Variants in ASIP observed in about 807,000 individuals in gnomAD.
ASIP encodes agouti signaling protein, also known as agouti-signaling protein.
A neutral mutation model predicts 10.3 loss-of-function variants in ASIP; 11 were observed. That is an observed-to-expected ratio of 1.07 (90% confidence interval 0.68 to 1.78). ASIP has a LOEUF of 1.78. Among genes scored for constraint, ASIP ranks in the 40% most tolerant of loss-of-function variants. The probability of loss-of-function intolerance (pLI) is 0.00; values close to 1 mark genes in which losing one functional copy is unlikely to be tolerated. For missense variants in ASIP, 180 were observed against 169.2 expected, an observed-to-expected ratio of 1.06 and a Z score of -0.35; for synonymous variants, 70 against 70.8, an observed-to-expected ratio of 0.99 and a Z score of 0.06.
intron 1 of ASIP, among the ~76,000 whole-genome samples, chr20:34,225,830 T>C (rs2122570892): frequency 6.6e-6 from 1 of 152,318 alleles, no homozygotes; most frequent in Middle Eastern, 3.4e-3. Context: ...AATGGGTTCT[T>C]GTTGGCATAT....
chr20:34,269,244 G>A lies in ASIP; in HGVS notation c.*77G>A. The A allele has an allele frequency of 7.0e-7, 1 of 1,421,846 alleles. No homozygotes were observed. Among genetic ancestry groups the A allele is most frequent in the Non-Finnish European group, 9.1e-7 (1 of 1,093,296 alleles). The allele number at this position is 1,421,846 out of a possible 1,614,324, so 88.1% of individuals were successfully genotyped here. A position where few individuals can be genotyped will look rare whatever the true frequency, so the allele number is the denominator to read the frequency against. On this transcript the variant is annotated 3_prime_UTR_variant, in exon 4 of 4. Transcript: ENST00000374954. ...TTCTCGGGCGGGTGATCCCTAACAG[G>A]GCGGCTTCCCAGGGCTGCAGGCGGG...
At chr20:34,188,442 C>G in the ASIP span, among the ~76,000 whole-genome samples, 1 of 152,126 alleles carries the variant, frequency 6.6e-6, no homozygotes, top group South Asian at 2.1e-4. Context: ...TGCTTTCAAG[C>G]CTGGATTCAT....
upstream of ASIP, among the ~76,000 whole-genome samples, chr20:34,190,744 C>T (rs768755696): frequency 6.6e-6 from 1 of 152,174 alleles, no homozygotes; most frequent in Non-Finnish European, 1.5e-5. Flanking sequence ...TTCTCCATAC[C>T]AAGTGCAGAG....
chr20:34,263,382 T>C (rs1292684561), intron 3 of ASIP, among the ~76,000 whole-genome samples: 1 of 152,082 alleles, frequency 6.6e-6, no homozygotes, highest in Non-Finnish European at 1.5e-5. Context: ...CTGGCCAACA[T>C]GGTGAAACCC....
intron 1 of ASIP, chr20:34,246,485 C>T (rs2035377966): frequency 7.9e-6 from 11 of 1,387,616 alleles, no homozygotes; most frequent in African/African-American, 1.4e-5. Flanking sequence ...TAACTTGGCA[C>T]TGTTCCTTGG....
intron 1 of ASIP, chr20:34,246,062 C>T (rs1364610468): frequency 2.2e-6 from 2 of 894,028 alleles, no homozygotes; most frequent in Non-Finnish European, 3.7e-6. Flanking sequence ...ATAATTTCAT[C>T]CTCCCCATTA....
At chr20:34,201,017 C>CTTCCTTCTTTCTTTCTTTCT (rs751841818) in intron 1 of ASIP, among the ~76,000 whole-genome samples, 69 of 63,242 alleles carry the variant, frequency 1.1e-3, no homozygotes, top group East Asian at 1.9e-3. Context: ...TCCTTCCTTC[C>CTTCCTTCTTTCTTTCTTTCT]TTCTTTCTTT....
chr20:34,244,446 GATTAATGTCTAAA>G (rs1329842388), intron 1 of ASIP, among the ~76,000 whole-genome samples: 1 of 152,128 alleles, frequency 6.6e-6, no homozygotes. Flanking sequence ...CAATGATGAT[GATTAATGTCTAAA>G]ATGTGTCTGA....
intron 1 of ASIP, among the ~76,000 whole-genome samples, chr20:34,258,935 A>G (rs946939026): frequency 7.1e-6 from 1 of 141,766 alleles, no homozygotes; most frequent in African/African-American, 2.6e-5. Context: ...CAAATGAACA[A>G]ATATGGCTGA....
At chr20:34,207,734 C>A (rs1480389484) in intron 1 of ASIP, among the ~76,000 whole-genome samples, 9 of 151,826 alleles carry the variant, frequency 5.9e-5, no homozygotes, top group African/African-American at 2.2e-4. Flanking sequence ...TAGTTTAATT[C>A]TTCTTCATAT....
intron 1 of ASIP, among the ~76,000 whole-genome samples, chr20:34,221,595 G>A (rs1358764857): frequency 6.6e-6 from 1 of 152,160 alleles, no homozygotes; most frequent in East Asian, 1.9e-4. Context: ...AGCAAAATGG[G>A]ATAGGTTATA....
chr20:34,256,951 C>T (rs2035579652), intron 1 of ASIP, among the ~76,000 whole-genome samples: 1 of 152,042 alleles, frequency 6.6e-6, no homozygotes, highest in Admixed American at 6.6e-5. Flanking sequence ...CTGCTAAGAG[C>T]CTTTTGTTAA....
intron 1 of ASIP, among the ~76,000 whole-genome samples, chr20:34,255,632 T>C (rs984705877): frequency 1.3e-5 from 2 of 152,260 alleles, no homozygotes; most frequent in Non-Finnish European, 1.5e-5. Flanking sequence ...TCCAATATTA[T>C]AATAATCTTT....
chr20:34,195,211 C>A (rs1198040749), intron 1 of ASIP, among the ~76,000 whole-genome samples: 3 of 151,804 alleles, frequency 2.0e-5, no homozygotes, highest in African/African-American at 7.3e-5. Flanking sequence ...AATGCAGAAC[C>A]CTACTGAGCT....
the ASIP span, among the ~76,000 whole-genome samples, chr20:34,187,933 C>T: frequency 1.3e-5 from 2 of 152,184 alleles, no homozygotes; most frequent in Non-Finnish European, 2.9e-5. Flanking sequence ...TAGTTCAGTC[C>T]TTAGAACCAA....
intron 1 of ASIP, among the ~76,000 whole-genome samples, chr20:34,204,396 T>G (rs1300284141): frequency 6.6e-6 from 1 of 152,014 alleles, no homozygotes. Context: ...ATTTTGTATT[T>G]TTAGTAAAAA....
At chr20:34,236,094 GAAGGAGAA>G (rs2035205829) in intron 1 of ASIP, among the ~76,000 whole-genome samples, 1 of 149,730 alleles carries the variant, frequency 6.7e-6, no homozygotes, top group African/African-American at 2.5e-5. Flanking sequence ...AGGAAGGAAG[GAAGGAGAA>G]AGAAAGGAAA....
At chr20:34,245,332 T>C (rs1480485324) in intron 1 of ASIP, among the ~76,000 whole-genome samples, 5 of 115,764 alleles carry the variant, frequency 4.3e-5, no homozygotes, top group Middle Eastern at 9.5e-3. Context: ...AGACTCTGTC[T>C]CAAAAAAAAA....
intron 1 of ASIP, chr20:34,215,597 G>A (rs2035002391): frequency 1.3e-6 from 2 of 1,486,228 alleles, no homozygotes; most frequent in Non-Finnish European, 1.9e-6. Context: ...TGGTATAAAG[G>A]TCTTCTCTGG....
Sources: gnomAD v4.1 joint callset for allele counts (sites outside exome capture counted in the v4.1 genomes callset) on GRCh38, gnomAD v4.1.1 for gene constraint, MANE v1.5 for transcripts, NCBI Gene and HGNC (gene_info 2026-07-23, HGNC 2026-07-21) for gene names.